The following LYN variants were observed in gnomAD, a reference collection of about 807,000 sequenced individuals.
The protein encoded by LYN is LYN proto-oncogene, Src family tyrosine kinase.
In LYN, 12 loss-of-function variants were observed where a neutral mutation model predicts 65.0. The ratio of observed to expected loss-of-function variants is 0.18; its 90% confidence interval spans 0.12 to 0.30. The LOEUF (loss-of-function observed/expected upper bound fraction) is 0.30. Among genes scored for constraint, LYN ranks in the 10% least tolerant of loss-of-function variants. The pLI is 1.00. For missense variants in LYN, 380 were observed against 623.2 expected (o/e 0.61, Z 4.16); for synonymous variants, 222 against 221.2 (o/e 1.00, Z -0.03).
At chr8:55,911,263 A>G (rs62515364) in intron 1 of LYN, among the ~76,000 whole-genome samples, 188 of 6,966 alleles carry the variant, frequency 0.027, 3 homozygotes, top group Middle Eastern at 0.05. Flanking sequence ...GTGTGTATAT[A>G]TATATATATA....
chr8:55,881,859 A>T (rs1215721102), intron 1 of LYN, among the ~76,000 whole-genome samples: 2 of 152,204 alleles, frequency 1.3e-5, no homozygotes, highest in African/African-American at 4.8e-5. Context: ...GTCCAAAATG[A>T]TAGCCCCAGT....
chr8:55,976,712 G>A (rs1807766120), intron 10 of LYN, among the ~76,000 whole-genome samples: 1 of 152,142 alleles, frequency 6.6e-6, no homozygotes, highest in South Asian at 2.1e-4. Flanking sequence ...GGGCTTCCTG[G>A]AGGAGGTCAC....
At chr8:55,941,780 T>C in intron 1 of LYN, 75 bp from the exon 2 acceptor site, 1 of 1,075,320 alleles carries the variant, frequency 9.3e-7, no homozygotes, top group Non-Finnish European at 1.4e-6. Context: ...CTACTCTTTT[T>C]TATTGGAGAC....
Position 55,890,278 on chromosome 8 carries a change from C to G in LYN, c.-6+10175C>G, listed in dbSNP as rs147820661. Among the ~76,000 whole-genome samples the G allele has an allele frequency of 2.0e-3, 311 of 152,222 alleles. 2 individuals carry two copies. Among genetic ancestry groups the G allele is most frequent in the African/African-American group, 6.9e-3 (287 of 41,546 alleles). Reference sequence around the variant, plus strand: ...AGTGAGCAATGATTACACCACCACACTCCATCCTGGGTGACAGAGCGACAG... The same window carrying G: ...AGTGAGCAATGATTACACCACCACAGTCCATCCTGGGTGACAGAGCGACAG... On this transcript the variant is annotated intron_variant, in intron 1 of 12. Transcript: ENST00000519728.
chr8:55,970,524 G>A (rs113898051), intron 10 of LYN, among the ~76,000 whole-genome samples: 22 of 152,236 alleles, frequency 1.4e-4, no homozygotes, highest in South Asian at 6.2e-4. Context: ...ATTGGCAATC[G>A]GTGGTTTCAT....
intron 10 of LYN, among the ~76,000 whole-genome samples, chr8:55,972,764 C>G (rs2130536045): frequency 6.6e-6 from 1 of 152,268 alleles, no homozygotes; most frequent in South Asian, 2.1e-4. Flanking sequence ...TCCCTGGGGC[C>G]CAGATACTTC....
At chr8:55,911,427 T>G (rs1805635756) in intron 1 of LYN, among the ~76,000 whole-genome samples, 1 of 149,478 alleles carries the variant, frequency 6.7e-6, no homozygotes. Flanking sequence ...CAACCGGTTT[T>G]TTACTAAATT....
intron 10 of LYN, among the ~76,000 whole-genome samples, chr8:55,975,385 C>T (rs1470874723): frequency 6.6e-6 from 1 of 152,186 alleles, no homozygotes; most frequent in Non-Finnish European, 1.5e-5. Context: ...GTGTCCTCGT[C>T]TGTGAGATGG....
At chr8:55,954,053 A>T in intron 8 of LYN, 69 bp downstream of exon 8, 1 of 1,526,142 alleles carries the variant, frequency 6.6e-7, no homozygotes, top group African/African-American at 1.4e-5. Context: ...GCTCAAGCCA[A>T]TTTCGATCAG....
intron 1 of LYN, among the ~76,000 whole-genome samples, chr8:55,896,931 G>A (rs1053903336): frequency 1.3e-5 from 2 of 152,144 alleles, no homozygotes; most frequent in African/African-American, 4.8e-5. Flanking sequence ...GTAGAGACGG[G>A]GTTTTGCCAT....
chr8:56,005,172 T>C (rs1412553419), intron 12 of LYN, among the ~76,000 whole-genome samples: 1 of 152,202 alleles, frequency 6.6e-6, no homozygotes, highest in Non-Finnish European at 1.5e-5. Flanking sequence ...TCTCTCCCCA[T>C]AGGCAACCAG....
At chr8:55,911,199 A>ACG (rs1805617875) in intron 1 of LYN, among the ~76,000 whole-genome samples, 1 of 18,738 alleles carries the variant, frequency 5.3e-5, no homozygotes, top group Non-Finnish European at 1.2e-4. Context: ...ACACACACAC[A>ACG]TATATATATA....
Position 56,010,148 on chromosome 8 carries a change from C to T in LYN, c.*38C>T, listed in dbSNP as rs1425574550. 1 of 1,602,300 alleles carries T rather than the reference C, an allele frequency of 6.2e-7. No individual in the cohort carries two copies. Among genetic ancestry groups the T allele is most frequent in the Non-Finnish European group, 8.5e-7 (1 of 1,169,980 alleles). On this transcript the variant is annotated 3_prime_UTR_variant, in exon 13 of 13. Transcript: ENST00000519728. Reference sequence around the variant, plus strand: ...CCCGTCCATTTGGCAGGGGTGGCTGCCTCATTTAGAGAGGAAAAGTAACCA... The same window carrying T: ...CCCGTCCATTTGGCAGGGGTGGCTGTCTCATTTAGAGAGGAAAAGTAACCA...
At chr8:55,923,870 A>G (rs1255952387) in intron 1 of LYN, among the ~76,000 whole-genome samples, 1 of 151,452 alleles carries the variant, frequency 6.6e-6, no homozygotes, top group Non-Finnish European at 1.5e-5. Context: ...TGTTTGTTAT[A>G]ATGACTTAGT....
chr8:55,985,085 C>T (rs776703109), intron 10 of LYN, among the ~76,000 whole-genome samples: 2 of 152,164 alleles, frequency 1.3e-5, no homozygotes, highest in East Asian at 1.9e-4. Flanking sequence ...GTTGCTGAAC[C>T]GAGCAAGTGA....
At chr8:55,881,507 T>C (rs775678175) in intron 1 of LYN, among the ~76,000 whole-genome samples, 29 of 152,166 alleles carry the variant, frequency 1.9e-4, no homozygotes, top group Non-Finnish European at 3.7e-4. Context: ...TCCATTCTCA[T>C]TTGGAGGTAA....
At chr8:55,952,207 T>C (rs1328348692) in intron 7 of LYN, 92 bp downstream of exon 7, 1 of 1,001,446 alleles carries the variant, frequency 1.0e-6, no homozygotes, top group Non-Finnish European at 1.4e-6. Flanking sequence ...AAACTTTTTA[T>C]GCATCGTATT....
At chr8:55,928,367 A>G (rs2130446575) in intron 1 of LYN, among the ~76,000 whole-genome samples, 1 of 152,320 alleles carries the variant, frequency 6.6e-6, no homozygotes, top group Non-Finnish European at 1.5e-5. Context: ...GCTGGTCTCC[A>G]ACTCCTGACC....
At position 55,946,369 on chromosome 8, in the gene LYN, C is replaced by T; in HGVS notation, c.133-79C>T. ...CCCATCCTAACATCTGCTACTGTTA[C>T]AAAAATCATATATACAACACGAATG... On this transcript the variant is annotated intron_variant, in intron 2 of 12. Coordinates refer to ENST00000519728, the MANE Select transcript of LYN (RefSeq NM_002350.4). The T allele has an allele frequency of 7.5e-6, 7 of 929,704 alleles. No homozygotes were observed. In the South Asian group the frequency reaches 8.2e-5, roughly 11 times the overall value. The allele number at this position is 929,704 out of a possible 1,614,324, so 57.6% of individuals were successfully genotyped here. A position where few individuals can be genotyped will look rare whatever the true frequency, so the allele number is the denominator to read the frequency against.
Sources: allele counts gnomAD v4.1 joint callset (sites outside exome capture counted in the v4.1 genomes callset), GRCh38; gene constraint gnomAD v4.1.1; transcripts MANE v1.5; gene names NCBI Gene and HGNC (gene_info 2026-07-23, HGNC 2026-07-21).